ARHGEF18: variants seen among roughly 807,000 people sequenced by gnomAD.
The protein encoded by ARHGEF18 is Rho/Rac guanine nucleotide exchange factor 18, also known as rho guanine nucleotide exchange factor 18.
In ARHGEF18, 93 loss-of-function variants were observed where a neutral mutation model predicts 155.7. The ratio of observed to expected loss-of-function variants is 0.60; its 90% CI spans 0.50 to 0.71. The LOEUF (loss-of-function observed/expected upper bound fraction) is 0.71. ARHGEF18 is among the 30% of genes least tolerant of loss of function. The probability of loss-of-function intolerance (pLI) is 0.00; values close to 1 mark genes in which losing one functional copy is unlikely to be tolerated. For missense variants in ARHGEF18, 1,593 were observed against 1,816.1 expected (o/e 0.88, Z 2.23); for synonymous variants, 742 against 753.1 (o/e 0.99, Z 0.24).
At chr19:7,431,510 CA>C (rs34609858) in intron 10 of ARHGEF18, among the ~76,000 whole-genome samples, 48 of 51,280 alleles carry the variant, frequency 9.4e-4, no homozygotes, top group African/African-American at 2.1e-3. Flanking sequence ...GACTCCATCT[CA>C]AAAAAAAAAA....
intron 10 of ARHGEF18, among the ~76,000 whole-genome samples, chr19:7,439,377 C>CT (rs894795074): frequency 6.6e-6 from 1 of 151,900 alleles, no homozygotes; most frequent in African/African-American, 2.4e-5. Flanking sequence ...TTGCTTGAAC[C>CT]TAGGAGTTTA....
chr19:7,375,702 C>G lies in ARHGEF18; in HGVS notation c.276-18C>G, dbSNP rs892766407. 7 of 1,234,222 alleles carry G rather than the reference C, an allele frequency of 5.7e-6. No homozygotes were observed. The Middle Eastern group carries it at 6.3e-4, about 111-fold the overall frequency. 76.5% of individuals were successfully genotyped at this position (1,234,222 alleles called of 1,614,324 possible). A position where few individuals can be genotyped will look rare whatever the true frequency, so the allele number is the denominator to read the frequency against. The stretch of plus-strand genomic sequence containing the variant: ...GGCAAGACCTGCTGAAGCCCCAGTA[C>G]CCTGTCTTCTCCACTAGGCTCAGCC... On this transcript the variant is annotated intron_variant, in intron 3 of 28. Coordinates refer to ENST00000668164, the MANE Select transcript of ARHGEF18 (RefSeq NM_001367823.1).
At chr19:7,478,224 G>A in the ARHGEF18 span, 1 of 1,395,456 alleles carries the variant, frequency 7.2e-7, no homozygotes, top group South Asian at 1.2e-5. Context: ...ACAGTCCCCA[G>A]CATGGGCCTG....
At chr19:7,448,101 C>T (rs957716085) in intron 15 of ARHGEF18, among the ~76,000 whole-genome samples, 1 of 152,238 alleles carries the variant, frequency 6.6e-6, no homozygotes, top group African/African-American at 2.4e-5. Flanking sequence ...CTGCTGACCA[C>T]CACTTTGTGT....
chr19:7,369,403 G>A (rs572496369), intron 2 of ARHGEF18, among the ~76,000 whole-genome samples: 70 of 152,164 alleles, frequency 4.6e-4, no homozygotes, highest in Non-Finnish European at 2.6e-4. Flanking sequence ...AGAGGTTGCA[G>A]TGAGCTGAGA....
Position 7,463,994 on chromosome 19 carries a change from G to T in ARHGEF18, c.2773+39G>T. ...CGTCTCCCCTCCTGCCTCCAGGGCC[G>T]CCCCTCAGGATGCACATTAACTTGT... On this transcript the variant is annotated intron_variant, in intron 22 of 28. Coordinates refer to ENST00000668164, the MANE Select transcript of ARHGEF18 (RefSeq NM_001367823.1). The surrounding 1 kb of genome is among the most constrained non-coding windows in gnomAD (Gnocchi z 5.2). 6.5e-7 allele frequency: 1 copy of T among 1,535,586 alleles called. No homozygotes were observed. Among genetic ancestry groups the T allele is most frequent in the Non-Finnish European group, 8.8e-7 (1 of 1,139,260 alleles).
intron 2 of ARHGEF18, among the ~76,000 whole-genome samples, chr19:7,368,396 C>CA (rs1970040521): frequency 6.6e-6 from 1 of 152,128 alleles, no homozygotes; most frequent in Non-Finnish European, 1.5e-5. Context: ...ACGATGCTTA[C>CA]TCAGATACCT....
At chr19:7,368,023 A>T (rs868122969) in intron 2 of ARHGEF18, among the ~76,000 whole-genome samples, 2 of 127,578 alleles carry the variant, frequency 1.6e-5, no homozygotes, top group Non-Finnish European at 3.3e-5. Context: ...GGGAGGGCGG[A>T]AGGAAGGAAG....
At chr19:7,362,281 G>C (rs989534829) in intron 1 of ARHGEF18, among the ~76,000 whole-genome samples, 22 of 150,874 alleles carry the variant, frequency 1.5e-4, no homozygotes, top group African/African-American at 4.9e-4. Flanking sequence ...GGAAGGAGAA[G>C]AAGAGGAGGA....
At position 7,440,767 on chromosome 19, in the gene ARHGEF18, A is replaced by G. The variant is rs1974591075; in HGVS notation, c.1106+285A>G. Among the ~76,000 whole-genome samples, 1 of 152,108 alleles carries G rather than the reference A, an allele frequency of 6.6e-6. No homozygotes were observed. The highest frequency in any genetic ancestry group is 2.1e-4 in the South Asian group (1 of 4,820). On this transcript the variant is annotated intron_variant, in intron 11 of 28. Transcript: ENST00000668164. The surrounding 1 kb of genome is among the most constrained non-coding windows in gnomAD (Gnocchi z 5.4). Reference sequence around the variant, plus strand: ...TTAGGCCGGGCTCCTGACTTACTCAAGGCGATGCTCAAAGTCCTGCTGGGT... The same window carrying G: ...TTAGGCCGGGCTCCTGACTTACTCAGGGCGATGCTCAAAGTCCTGCTGGGT...
rs1974882234 is a variant in ARHGEF18, at chr19:7,444,683, A to AG, written c.1611+229_1611+230insG. Among the ~76,000 whole-genome samples the AG allele has an allele frequency of 6.6e-6, 1 of 151,656 alleles. No individual in the cohort carries two copies. The highest frequency in any genetic ancestry group is 1.5e-5 in the Non-Finnish European group (1 of 67,920). ...GCGCCACCATACCCGGCTAAATTTTATTTTTTGTAGAGATGAGGTCTCACT... is the reference window on the plus strand; with the variant it reads ...GCGCCACCATACCCGGCTAAATTTTAGTTTTTTGTAGAGATGAGGTCTCACT... On this transcript the variant is annotated intron_variant, in intron 14 of 28. Transcript: ENST00000668164. The surrounding 1 kb of genome is among the most constrained non-coding windows in gnomAD (Gnocchi z 4.7).
At chr19:7,377,076 CTTTTT>C (rs113555255) in intron 5 of ARHGEF18, among the ~76,000 whole-genome samples, 1 of 146,964 alleles carries the variant, frequency 6.8e-6, no homozygotes, top group African/African-American at 2.5e-5. Flanking sequence ...CTCTATGACT[CTTTTT>C]TTTTTTTGAG....
chr19:7,428,487 G>A (rs1220744362), intron 10 of ARHGEF18, among the ~76,000 whole-genome samples: 2 of 152,054 alleles, frequency 1.3e-5, no homozygotes, highest in African/African-American at 2.4e-5. Context: ...CGAACTCCTG[G>A]CCTCCAGTGA....
In ARHGEF18 at chr19:7,470,428, G is replaced by C; in HGVS notation, c.*130G>C. ...CTTCCCTAGCAAACCACTGATGACC[G>C]CCTGGCAGGGGCCAGCCTGTCGGTG... On this transcript the variant is annotated 3_prime_UTR_variant, in exon 29 of 29. Coordinates refer to ENST00000668164, the MANE Select transcript of ARHGEF18 (RefSeq NM_001367823.1). This position sits in a 1 kb window ranked among gnomAD's most constrained non-coding sequence, Gnocchi z 5.9. The C allele has an allele frequency of 1.1e-6, 1 of 920,114 alleles. No individual in the cohort carries two copies. The highest frequency in any genetic ancestry group is 1.4e-6 in the Non-Finnish European group (1 of 700,182). The allele number at this position is 920,114 out of a possible 1,614,324, so 57.0% of individuals were successfully genotyped here.
chr19:7,414,644 A>G (rs1972889972), intron 10 of ARHGEF18, among the ~76,000 whole-genome samples: 2 of 152,072 alleles, frequency 1.3e-5, no homozygotes, highest in South Asian at 4.2e-4. Context: ...CCCCGTCTCT[A>G]CTAAAAATAC....
chr19:7,450,822 G>T (rs62109783), intron 15 of ARHGEF18, among the ~76,000 whole-genome samples: 2 of 348 alleles, frequency 5.7e-3, no homozygotes, highest in African/African-American at 0.017. Flanking sequence ...TTAATACGGG[G>T]TCTTGCTGTC....
At chr19:7,391,973 G>T (rs1971426187) in intron 10 of ARHGEF18, among the ~76,000 whole-genome samples, 1 of 152,168 alleles carries the variant, frequency 6.6e-6, no homozygotes, top group African/African-American at 2.4e-5. Context: ...AGGTGTGGTG[G>T]CTCACGCCTG....
intron 6 of ARHGEF18, 63 bp from the exon 7 acceptor site, chr19:7,379,058 AG>A (rs1445079620): frequency 2.5e-6 from 3 of 1,218,420 alleles, no homozygotes; most frequent in African/African-American, 1.6e-5. Flanking sequence ...CAGCTTATCT[AG>A]GGGAGAGTGT....
At chr19:7,353,812 G>T (rs1969214808) in intron 1 of ARHGEF18, among the ~76,000 whole-genome samples, 1 of 151,744 alleles carries the variant, frequency 6.6e-6, no homozygotes, top group African/African-American at 2.4e-5. Context: ...AATTAGCTGG[G>T]CATGGTGGTG....
Sources: gnomAD v4.1 joint callset for allele counts (sites outside exome capture counted in the v4.1 genomes callset) on GRCh38, gnomAD v4.1.1 for gene constraint, Gnocchi (gnomAD v3.1) non-coding constraint, MANE v1.5 for transcripts, NCBI Gene and HGNC (gene_info 2026-07-23, HGNC 2026-07-21) for gene names.